The following TAFA5 variants were observed in gnomAD, a reference collection of about 807,000 sequenced individuals.
TAFA5 encodes the protein TAFA chemokine like family member 5, also known as chemokine-like protein TAFA-5.
In TAFA5, 6 loss-of-function variants were observed where a neutral mutation model predicts 15.3. That is an observed-to-expected ratio of 0.39 (90% CI 0.21 to 0.77). TAFA5 has a LOEUF of 0.77. Among genes scored for constraint, TAFA5 ranks in the 30% least tolerant of loss-of-function variants. The pLI, the probability that TAFA5 is intolerant of heterozygous loss-of-function variation, is 0.41. For synonymous variants in TAFA5, 103 were observed against 80.7 expected, an observed-to-expected ratio of 1.28 and a Z score of -1.48; for missense variants, 161 against 193.1, an observed-to-expected ratio of 0.83 and a Z score of 0.98.
chr22:48,589,461 A>G (rs984610238), intron 1 of TAFA5, among the ~76,000 whole-genome samples: 2 of 151,106 alleles, frequency 1.3e-5, no homozygotes, highest in African/African-American at 2.4e-5. Context: ...GAGGTCCCCA[A>G]AGAGCCACCT....
intron 3 of TAFA5, among the ~76,000 whole-genome samples, chr22:48,733,755 C>T (rs1929932550): frequency 6.6e-6 from 1 of 152,078 alleles, no homozygotes; most frequent in Non-Finnish European, 1.5e-5. Context: ...AAATCAGGCC[C>T]ATCCGTTCGT....
intron 1 of TAFA5, among the ~76,000 whole-genome samples, chr22:48,541,874 C>T (rs1051330469): frequency 6.6e-6 from 1 of 152,208 alleles, no homozygotes; most frequent in Non-Finnish European, 1.5e-5. Context: ...GAAGCCGGCT[C>T]TGGGCTCCCC....
chr22:48,645,745 G>C (rs564915974), intron 1 of TAFA5, among the ~76,000 whole-genome samples: 1 of 152,130 alleles, frequency 6.6e-6, no homozygotes, highest in South Asian at 2.1e-4. Context: ...TGAAGCTTGT[G>C]TGTACCTGTG....
At position 48,566,769 on chromosome 22, in the gene TAFA5, A is replaced by G. The variant is rs536287426; in HGVS notation, c.112+77065A>G. Among the ~76,000 whole-genome samples, 5 of 152,286 alleles carry G rather than the reference A, an allele frequency of 3.3e-5. No homozygotes were observed. The East Asian group carries it at 9.6e-4, about 29-fold the overall frequency. ...TGGCCTGTAGAGAACCCAGCCCCTGATCATGCTCTCCTCCTTTTGCCTGTG... is the reference window on the plus strand; with the variant it reads ...TGGCCTGTAGAGAACCCAGCCCCTGGTCATGCTCTCCTCCTTTTGCCTGTG... On this transcript the variant is annotated intron_variant, in intron 1 of 3. Coordinates refer to ENST00000402357, the MANE Select transcript of TAFA5 (RefSeq NM_001082967.3). This position sits in a 1 kb window ranked among gnomAD's most constrained non-coding sequence, Gnocchi z 4.5.
intron 1 of TAFA5, among the ~76,000 whole-genome samples, chr22:48,616,370 G>T (rs753764333): frequency 1.3e-5 from 2 of 152,230 alleles, no homozygotes; most frequent in Non-Finnish European, 2.9e-5. Flanking sequence ...CGTGTCTTCT[G>T]CAGTGGCCCC....
At chr22:48,747,310 T>C (rs910809577) in intron 3 of TAFA5, among the ~76,000 whole-genome samples, 3 of 152,304 alleles carry the variant, frequency 2.0e-5, no homozygotes, top group Non-Finnish European at 2.9e-5. Flanking sequence ...CCACAGCCGC[T>C]CCAGCCCTTC....
chr22:48,602,015 C>T (rs144127699), intron 1 of TAFA5, among the ~76,000 whole-genome samples: 12 of 152,250 alleles, frequency 7.9e-5, no homozygotes, highest in East Asian at 5.8e-4. Context: ...TGAGTGGGCA[C>T]GCTGGTGGGT....
At chr22:48,496,710 A>C (rs1928337675) in intron 1 of TAFA5, among the ~76,000 whole-genome samples, 1 of 152,094 alleles carries the variant, frequency 6.6e-6, no homozygotes, top group African/African-American at 2.4e-5. Flanking sequence ...CCTGGTTTGC[A>C]GGTGCACCGC....
chr22:48,596,767 C>A (rs1244988362), intron 1 of TAFA5, among the ~76,000 whole-genome samples: 1 of 152,142 alleles, frequency 6.6e-6, no homozygotes, highest in Non-Finnish European at 1.5e-5. Context: ...AGGGGCGCCA[C>A]TGCCCTAGGG....
At chr22:48,739,482 C>A (rs1930120340) in intron 3 of TAFA5, among the ~76,000 whole-genome samples, 1 of 152,180 alleles carries the variant, frequency 6.6e-6, no homozygotes, top group African/African-American at 2.4e-5. Flanking sequence ...ATAGCGAATG[C>A]CTGTGCACAC....
intron 3 of TAFA5, among the ~76,000 whole-genome samples, chr22:48,719,617 C>T (rs917827086): frequency 6.6e-6 from 1 of 152,216 alleles, no homozygotes; most frequent in Non-Finnish European, 1.5e-5. Flanking sequence ...AAGGCTGAGG[C>T]TTAAACAGGT....
In TAFA5 at chr22:48,490,218, C is replaced by T. The variant is rs577923000; in HGVS notation, c.112+514C>T. ...GGAGCAGCTGGAGCTTCCGCTTTCC[C>T]GGGAAACGGGCTCGTCAGGCGCCTT... On this transcript the variant is annotated intron_variant, in intron 1 of 3. Coordinates refer to ENST00000402357, the MANE Select transcript of TAFA5 (RefSeq NM_001082967.3). The surrounding 1 kb of genome is among the most constrained non-coding windows in gnomAD (Gnocchi z 5.8). Among the ~76,000 whole-genome samples, 1 of 152,242 alleles carries T rather than the reference C, an allele frequency of 6.6e-6. No individual in the cohort carries two copies. The highest frequency in any genetic ancestry group is 1.9e-4 in the East Asian group (1 of 5,146).
At chr22:48,616,121 G>A (rs1220007062) in intron 1 of TAFA5, among the ~76,000 whole-genome samples, 2 of 151,958 alleles carry the variant, frequency 1.3e-5, no homozygotes, top group Non-Finnish European at 2.9e-5. Context: ...TGGGGCTGGG[G>A]ATCACTCCAA....
At chr22:48,615,812 C>CTG (rs1925581734) in intron 1 of TAFA5, among the ~76,000 whole-genome samples, 2 of 152,212 alleles carry the variant, frequency 1.3e-5, no homozygotes, top group African/African-American at 2.4e-5. Flanking sequence ...CAGCTCCTGT[C>CTG]CGCAGAGAAC....
chr22:48,640,059 G>C (rs1926617231), intron 1 of TAFA5, among the ~76,000 whole-genome samples: 1 of 152,340 alleles, frequency 6.6e-6, no homozygotes, highest in South Asian at 2.1e-4. Context: ...GCGTGCTGCA[G>C]CCCCTGAACC....
At chr22:48,615,108 C>T (rs1925550169) in intron 1 of TAFA5, among the ~76,000 whole-genome samples, 1 of 152,208 alleles carries the variant, frequency 6.6e-6, no homozygotes, top group Admixed American at 6.5e-5. Flanking sequence ...CAGGACGCCC[C>T]TTCAGGAGCC....
intron 1 of TAFA5, among the ~76,000 whole-genome samples, chr22:48,596,052 A>G (rs922078531): frequency 6.6e-6 from 1 of 152,264 alleles, no homozygotes; most frequent in African/African-American, 2.4e-5. Flanking sequence ...TTTGAAATGC[A>G]TCTTGAAAGC....
intron 1 of TAFA5, among the ~76,000 whole-genome samples, chr22:48,563,815 C>T (rs947904758): frequency 6.6e-6 from 1 of 152,228 alleles, no homozygotes; most frequent in African/African-American, 2.4e-5. Context: ...GCAGCGTCGA[C>T]TCCACCCTAC....
At chr22:48,663,830 T>A (rs1328286956) in intron 2 of TAFA5, among the ~76,000 whole-genome samples, 1 of 152,234 alleles carries the variant, frequency 6.6e-6, no homozygotes, top group Non-Finnish European at 1.5e-5. Context: ...GGCATCATAG[T>A]ACTTGTGTTC....
Sources: gnomAD v4.1 joint callset for allele counts (sites outside exome capture counted in the v4.1 genomes callset) on GRCh38, gnomAD v4.1.1 for gene constraint, Gnocchi (gnomAD v3.1) non-coding constraint, MANE v1.5 for transcripts, NCBI Gene and HGNC (gene_info 2026-07-23, HGNC 2026-07-21) for gene names.